The following ATG5 variants were observed in gnomAD, a reference collection of about 807,000 sequenced individuals.
ATG5 encodes the protein autophagy related 5.
ATG5 carries 14 observed loss-of-function variants against 36.5 expected under a neutral mutation model. That is an observed-to-expected ratio of 0.38 (90% CI 0.25 to 0.60). The LOEUF (loss-of-function observed/expected upper bound fraction) is 0.60. ATG5 is among the 20% of genes least tolerant of loss of function. The pLI, the probability that ATG5 is intolerant of heterozygous loss-of-function variation, is 0.60. For synonymous variants in ATG5, 95 were observed against 101.5 expected (o/e 0.94, Z 0.38); for missense variants, 195 against 326.7 (o/e 0.60, Z 3.11).
chr6:106,285,246 C>G (rs1780030586), intron 4 of ATG5, among the ~76,000 whole-genome samples: 1 of 152,130 alleles, frequency 6.6e-6, no homozygotes, highest in African/African-American at 2.4e-5. Flanking sequence ...CTAAGCAGTT[C>G]TACAATTTTG....
intron 6 of ATG5, among the ~76,000 whole-genome samples, chr6:106,224,697 G>A (rs1218138551): frequency 6.6e-6 from 1 of 152,126 alleles, no homozygotes; most frequent in African/African-American, 2.4e-5. Flanking sequence ...CAAAGATGGA[G>A]AAACCCTGTC....
At position 106,202,021 on chromosome 6, in the gene ATG5, T is replaced by C. The variant is rs762992833; in HGVS notation, c.642A>G (p.Thr214=). ...RPVAADGQLH[T]LGDLLKEVCP... ...AAACTTCTTTGAGGAGATCTCCTAG[T>C]GTGTGCAACTGTCCATCTGCAGCCA... The change falls in exon 7 of 8, where the codon ACA becomes ACG. Residue 214 remains threonine, a synonymous_variant. Coordinates refer to ENST00000369076, the MANE Select transcript of ATG5 (RefSeq NM_004849.4). 3.1e-5 allele frequency: 50 copies of C among 1,613,844 alleles called. No homozygotes were observed. Among genetic ancestry groups the C allele is most frequent in the Non-Finnish European group, 3.7e-5 (44 of 1,179,902 alleles).
chr6:106,198,529 C>A (rs1463324795), intron 7 of ATG5, among the ~76,000 whole-genome samples: 7 of 152,236 alleles, frequency 4.6e-5, no homozygotes, highest in African/African-American at 1.7e-4. Flanking sequence ...GTAATGCCAG[C>A]ACTTTGGGAG....
At chr6:106,285,237 T>C (rs1780029815) in intron 4 of ATG5, among the ~76,000 whole-genome samples, 1 of 152,246 alleles carries the variant, frequency 6.6e-6, no homozygotes, top group Non-Finnish European at 1.5e-5. Context: ...GATATTTTTC[T>C]AAGCAGTTCT....
At chr6:106,240,942 C>T (rs1244013954) in intron 6 of ATG5, among the ~76,000 whole-genome samples, 4 of 152,178 alleles carry the variant, frequency 2.6e-5, no homozygotes, top group African/African-American at 9.7e-5. Flanking sequence ...CACTTGAGGC[C>T]AGGAGTTCGA....
chr6:106,243,188 C>T (rs1778192880), intron 6 of ATG5, among the ~76,000 whole-genome samples: 1 of 152,058 alleles, frequency 6.6e-6, no homozygotes, highest in Admixed American at 6.6e-5. Context: ...GCCAGTAAAC[C>T]TCCCAAAAGA....
intron 6 of ATG5, among the ~76,000 whole-genome samples, chr6:106,214,540 T>C (rs957341118): frequency 6.6e-6 from 1 of 152,184 alleles, no homozygotes; most frequent in Admixed American, 6.5e-5. Context: ...TCTTAATTGA[T>C]ACTATGATTA....
intron 5 of ATG5, among the ~76,000 whole-genome samples, chr6:106,254,450 A>G (rs901961234): frequency 6.6e-6 from 1 of 152,228 alleles, no homozygotes; most frequent in Non-Finnish European, 1.5e-5. Flanking sequence ...GAGTATGCAC[A>G]TAGTACATAC....
chr6:106,249,523 T>C (rs190135393), intron 5 of ATG5, among the ~76,000 whole-genome samples: 16 of 152,334 alleles, frequency 1.1e-4, no homozygotes, highest in Admixed American at 1.0e-3. Context: ...TTTCCGCTTT[T>C]TATCTATTAT....
intron 6 of ATG5, among the ~76,000 whole-genome samples, chr6:106,230,896 C>T (rs1766194): frequency 0.2 from 31,091 of 151,992 alleles, 3,515 homozygotes; most frequent in Admixed American, 0.34. Flanking sequence ...AAGTGTCATA[C>T]GTACAAACTT....
chr6:106,254,957 T>C (rs1393672678), intron 5 of ATG5, among the ~76,000 whole-genome samples: 1 of 152,232 alleles, frequency 6.6e-6, no homozygotes, highest in Non-Finnish European at 1.5e-5. Flanking sequence ...CCTAACACAG[T>C]ATAGCTGCAA....
intron 6 of ATG5, among the ~76,000 whole-genome samples, chr6:106,204,268 C>T (rs1776546815): frequency 6.6e-6 from 1 of 151,996 alleles, no homozygotes; most frequent in Non-Finnish European, 1.5e-5. Context: ...AAAAAATAAA[C>T]ATGTAAGCAT....
At chr6:106,319,943 A>C (rs569424858) in intron 1 of ATG5, among the ~76,000 whole-genome samples, 1 of 152,362 alleles carries the variant, frequency 6.6e-6, no homozygotes, top group African/African-American at 2.4e-5. Context: ...AGATAATAAA[A>C]ATTAGTTAAC....
At chr6:106,259,679 T>A (rs1778935310) in intron 5 of ATG5, among the ~76,000 whole-genome samples, 1 of 152,198 alleles carries the variant, frequency 6.6e-6, no homozygotes, top group African/African-American at 2.4e-5. Context: ...TCAAAAAATA[T>A]GTAAAAGAGT....
intron 4 of ATG5, among the ~76,000 whole-genome samples, chr6:106,288,992 A>C (rs1780197634): frequency 6.6e-6 from 1 of 152,118 alleles, no homozygotes; most frequent in Non-Finnish European, 1.5e-5. Flanking sequence ...ATATTGCACA[A>C]AAAAATCTAA....
intron 6 of ATG5, among the ~76,000 whole-genome samples, chr6:106,215,590 A>G (rs1348087605): frequency 3.9e-5 from 6 of 152,178 alleles, no homozygotes; most frequent in Non-Finnish European, 8.8e-5. Context: ...ACAAATTTTA[A>G]AAACATAGCA....
chr6:106,260,111 G>A (rs1323419635), intron 5 of ATG5, among the ~76,000 whole-genome samples: 1 of 152,178 alleles, frequency 6.6e-6, no homozygotes, highest in Non-Finnish European at 1.5e-5. Flanking sequence ...CTGTCGGTGG[G>A]TGGGGGCCTG....
chr6:106,232,954 A>G (rs1192229076), intron 6 of ATG5, among the ~76,000 whole-genome samples: 1 of 152,162 alleles, frequency 6.6e-6, no homozygotes, highest in Admixed American at 6.5e-5. Flanking sequence ...TTTCACCCCA[A>G]GGGTTCAGGG....
At chr6:106,241,473 T>C (rs1247500518) in intron 6 of ATG5, among the ~76,000 whole-genome samples, 1 of 152,208 alleles carries the variant, frequency 6.6e-6, no homozygotes, top group Non-Finnish European at 1.5e-5. Context: ...TATCTTATGA[T>C]AGGAATATGC....
Sources: allele counts gnomAD v4.1 joint callset (sites outside exome capture counted in the v4.1 genomes callset), GRCh38; gene constraint gnomAD v4.1.1; transcripts MANE v1.5; gene names NCBI Gene and HGNC (gene_info 2026-07-23, HGNC 2026-07-21).